The following SUN5 variants were observed in gnomAD, a reference collection of about 807,000 sequenced individuals.
SUN5 encodes SUN domain-containing protein 5.
In SUN5, 44 loss-of-function variants were observed where a neutral mutation model predicts 53.7. That is an observed-to-expected ratio of 0.82 (90% CI 0.64 to 1.05). The LOEUF is 1.05. SUN5 is among the 50% of genes least tolerant of loss of function. The pLI, the probability that SUN5 is intolerant of heterozygous loss-of-function variation, is 0.00. For synonymous variants in SUN5, 166 were observed against 179.8 expected, an observed-to-expected ratio of 0.92 and a Z score of 0.62; for missense variants, 433 against 483.8, an observed-to-expected ratio of 0.90 and a Z score of 0.98.
intron 8 of SUN5, among the ~76,000 whole-genome samples, chr20:32,989,941 T>C (rs1470770954): frequency 1.3e-5 from 2 of 152,062 alleles, no homozygotes; most frequent in Non-Finnish European, 2.9e-5. Flanking sequence ...GGTCCCGGAG[T>C]CTCAGTGAGG....
intron 8 of SUN5, among the ~76,000 whole-genome samples, chr20:32,990,512 T>C (rs1257572812): frequency 2.0e-5 from 3 of 152,148 alleles, no homozygotes; most frequent in Admixed American, 6.5e-5. Context: ...GCTAATGACT[T>C]GGCAGAAGTG....
Position 32,983,861 on chromosome 20 carries a change from C to T in SUN5, c.1073G>A (p.Arg358Gln), listed in dbSNP as rs1412396592. The T allele has an allele frequency of 7.5e-6, 12 of 1,600,202 alleles. No individual in the cohort carries two copies. Among genetic ancestry groups the T allele is most frequent in the Non-Finnish European group, 1.0e-5 (12 of 1,173,138 alleles). ...NPGFTCLYRV[R>Q]VHGSVAPPRE... is the part of the protein sequence containing the mutation. ...GGGCGGGGCCACAGAGCCATGCACT[C>T]GCACGCGGTACAGGCAAGTGAAGCC... The change falls in exon 13 of 13, where the codon CGA becomes CAA. Residue 358 changes from arginine (R) to glutamine (Q), a missense_variant. Transcript: ENST00000356173.
intron 5 of SUN5, among the ~76,000 whole-genome samples, chr20:32,998,776 T>C (rs1311996582): frequency 6.6e-6 from 1 of 151,242 alleles, no homozygotes; most frequent in African/African-American, 2.4e-5. Context: ...CCTAGCACTT[T>C]GGGAGGCTGA....
chr20:32,985,868 C>G lies in SUN5; in HGVS notation c.765G>C (p.Glu255Asp). 5 of 1,614,056 alleles carry G rather than the reference C, an allele frequency of 3.1e-6. No homozygotes were observed. The highest frequency in any genetic ancestry group is 4.2e-6 in the Non-Finnish European group (5 of 1,179,948). Residue 255 changes from glutamate (E) to aspartate (D), a missense_variant, in exon 11 of 13, where the codon GAG becomes GAC. Coordinates refer to ENST00000356173, the MANE Select transcript of SUN5 (RefSeq NM_080675.4). ...NVTPGNCWAF[E>D]GDRGQVTIQL... ...GGATGGTCACCTGGCCGCGGTCACC[C>G]TCAAAGGCCCAGCAATTGCCAGGTG...
chr20:32,987,303 T>G (rs1294327190), intron 10 of SUN5, among the ~76,000 whole-genome samples: 1 of 152,262 alleles, frequency 6.6e-6, no homozygotes, highest in East Asian at 1.9e-4. Context: ...GATGGGCCCA[T>G]GCCCAGTGTA....
intron 2 of SUN5, 55 bp downstream of exon 2, chr20:33,002,806 G>A: frequency 6.2e-7 from 1 of 1,611,132 alleles, no homozygotes; most frequent in South Asian, 1.1e-5. Flanking sequence ...TGACATCCCT[G>A]AGCCTCAGCC....
At chr20:33,003,926 G>A (rs926787008) in intron 1 of SUN5, among the ~76,000 whole-genome samples, 7 of 152,044 alleles carry the variant, frequency 4.6e-5, no homozygotes, top group African/African-American at 1.4e-4. Flanking sequence ...TAAAGATGGC[G>A]AAATACTTGT....
At position 32,985,917 on chromosome 20, in the gene SUN5, G is replaced by A; in HGVS notation, c.730-14C>T. The A allele has an allele frequency of 6.2e-7, 1 of 1,612,272 alleles. No homozygotes were observed. Among genetic ancestry groups the A allele is most frequent in the Non-Finnish European group, 8.5e-7 (1 of 1,178,918 alleles). On this transcript the variant is annotated splice_polypyrimidine_tract_variant and intron_variant, in intron 10 of 12. Coordinates refer to ENST00000356173, the MANE Select transcript of SUN5 (RefSeq NM_080675.4). Reference sequence around the variant, plus strand: ...TGTCACGTTGGGCTAGAAGAGGCAAGTACAATAAGGGATATGCTGGGTGGG... The same window carrying A: ...TGTCACGTTGGGCTAGAAGAGGCAAATACAATAAGGGATATGCTGGGTGGG...
In SUN5 at chr20:32,997,672, G is replaced by C. The variant is rs1989889325; in HGVS notation, c.356C>G (p.Ser119Cys). ...LLCAFGFWMF[S>C]IHLPSKMKVW... ...TTTCATTTTCGATGGTAAGTGAATA[G>C]AAAACATCCAGAATCCTGTGAGGCC... The change falls in exon 6 of 13, where the codon TCT (serine) becomes TGT (cysteine). Residue 119 changes from serine to cysteine, a missense_variant. Physicochemically the swap from Ser to Cys is moderately radical, Grantham distance 112. Transcript: ENST00000356173. 5 of 1,614,056 alleles carry C rather than the reference G, an allele frequency of 3.1e-6. No individual in the cohort carries two copies. Among genetic ancestry groups the C allele is most frequent in the Non-Finnish European group, 4.2e-6 (5 of 1,179,982 alleles).
At chr20:33,002,547 C>T in intron 3 of SUN5, 40 bp downstream of exon 3, 1 of 1,605,496 alleles carries the variant, frequency 6.2e-7, no homozygotes, top group Non-Finnish European at 8.5e-7. Context: ...CTCCCCAGAC[C>T]CATATTGATG....
chr20:33,002,704 AT>A, intron 2 of SUN5, 43 bp from the exon 3 acceptor site: 1 of 1,611,666 alleles, frequency 6.2e-7, no homozygotes, highest in Non-Finnish European at 8.5e-7. Flanking sequence ...CAGCCTCTTG[AT>A]TTGGTGCTTG....
intron 3 of SUN5, among the ~76,000 whole-genome samples, chr20:33,001,773 A>G (rs1190850942): frequency 6.7e-6 from 1 of 149,472 alleles, no homozygotes; most frequent in African/African-American, 2.5e-5. Flanking sequence ...AGTTCAAGCG[A>G]TTCTCTTGCC....
At chr20:32,997,525 C>G in intron 6 of SUN5, 113 bp downstream of exon 6, 1 of 1,107,572 alleles carries the variant, frequency 9.0e-7, no homozygotes, top group Non-Finnish European at 1.3e-6. Flanking sequence ...TGGGTCAAGT[C>G]AGGAACTGAT....
chr20:32,991,668 G>A (rs552852549), intron 8 of SUN5, among the ~76,000 whole-genome samples: 1 of 152,350 alleles, frequency 6.6e-6, no homozygotes, highest in East Asian at 1.9e-4. Flanking sequence ...ACAGAGCTTA[G>A]AGGGGAGATT....
chr20:33,001,095 G>A (rs1246527685), intron 4 of SUN5, 117 bp downstream of exon 4: 2 of 1,198,168 alleles, frequency 1.7e-6, no homozygotes, highest in South Asian at 1.4e-5. Context: ...GCCAGGTTTG[G>A]GATAGCTTTT....
intron 8 of SUN5, among the ~76,000 whole-genome samples, chr20:32,991,532 T>A (rs1989710909): frequency 6.6e-6 from 1 of 152,138 alleles, no homozygotes; most frequent in Non-Finnish European, 1.5e-5. Flanking sequence ...GTCCTTATAA[T>A]CACTATACCT....
chr20:32,996,349 T>A lies in SUN5; in HGVS notation c.400A>T (p.Ile134Leu). 2 of 1,613,426 alleles carry A rather than the reference T, an allele frequency of 1.2e-6. No homozygotes were observed. Among genetic ancestry groups the A allele is most frequent in the Non-Finnish European group, 8.5e-7 (1 of 1,179,510 alleles). The change falls in exon 7 of 13, where the codon ATA (isoleucine) becomes TTA (leucine). Residue 134 changes from isoleucine to leucine, a missense_variant. Ile to Leu is a conservative substitution (Grantham distance 5). Transcript: ENST00000356173. Reference protein sequence around the residue: ...SKMKVWQDDSINGPLQSLRLY... With the variant: ...SKMKVWQDDSLNGPLQSLRLY... ...CTCAAGCTCTGCAGTGGACCATTTATGCTGTCATCCTGGTGGAGTATTGAG... is the reference window on the plus strand; with the variant it reads ...CTCAAGCTCTGCAGTGGACCATTTAAGCTGTCATCCTGGTGGAGTATTGAG...
Position 33,000,137 on chromosome 20 carries a change from T to C in SUN5, c.279-2A>G. ...AGCTTCTGGCACAGCAGCTTGCATC[T>C]GGAAGGCAGGGAGTGGTGGTCAAGA... On this transcript the variant is annotated splice_acceptor_variant, in intron 4 of 12. Transcript: ENST00000356173. LOFTEE classifies it high-confidence loss of function. 6.2e-7 allele frequency: 1 copy of C among 1,600,940 alleles called. No homozygotes were observed. The highest frequency in any genetic ancestry group is 8.5e-7 in the Non-Finnish European group (1 of 1,175,026).
At chr20:32,985,422 CCT>C (rs1489075676) in intron 11 of SUN5, among the ~76,000 whole-genome samples, 8 of 152,104 alleles carry the variant, frequency 5.3e-5, no homozygotes. Flanking sequence ...TTTCCCTGAT[CCT>C]TCTCTGGACC....
Sources: allele counts gnomAD v4.1 joint callset (sites outside exome capture counted in the v4.1 genomes callset), GRCh38; gene constraint gnomAD v4.1.1; transcripts MANE v1.5; gene names NCBI Gene and HGNC (gene_info 2026-07-23, HGNC 2026-07-21).